Variants in GET1 observed in about 807,000 individuals in gnomAD.
GET1 encodes the protein guided entry of tail-anchored proteins factor 1, also known as congenital heart disease 5 protein.
Under a neutral mutation model 22.6 loss-of-function variants are expected in GET1, and 20 were observed. The observed-to-expected ratio is 0.89, with a 90% confidence interval of 0.62 to 1.29. GET1 has a LOEUF of 1.29. Ranked by LOEUF, GET1 falls within the 50% of genes most tolerant of loss-of-function variation. GET1 has a pLI of 0.00. For synonymous variants in GET1, 92 were observed against 83.8 expected (o/e 1.10, Z -0.53); for missense variants, 209 against 219.9 (o/e 0.95, Z 0.31).
At chr21:39,407,504 T>C (rs1185117323), downstream of GET1, among the ~76,000 whole-genome samples, 3 of 152,196 alleles carry the variant, frequency 2.0e-5, no homozygotes, top group African/African-American at 7.2e-5. Context: ...TGCAACGATG[T>C]TCACTGTGGC....
At chr21:39,401,096 G>T (rs1473255275), downstream of GET1, among the ~76,000 whole-genome samples, 1 of 151,866 alleles carries the variant, frequency 6.6e-6, no homozygotes. Context: ...TTTTATTTTT[G>T]TAGAGAGGAG....
intron 2 of GET1, 138 bp downstream of exon 2, chr21:39,391,001 C>G (rs1457364244): frequency 5.3e-6 from 5 of 944,466 alleles, no homozygotes; most frequent in Non-Finnish European, 6.2e-6. Flanking sequence ...CTGGAGGAAA[C>G]TCAGTAATAA....
intron 1 of GET1, among the ~76,000 whole-genome samples, chr21:39,419,531 A>AAAG (rs1461877713): frequency 4.3e-5 from 6 of 138,674 alleles, no homozygotes; most frequent in Non-Finnish European, 7.4e-5. Flanking sequence ...TTCAAAAAAA[A>AAAG]AAAAGAAAAA....
chr21:39,417,199 AT>A (rs1181865017), intron 1 of GET1, among the ~76,000 whole-genome samples: 1 of 151,810 alleles, frequency 6.6e-6, no homozygotes, highest in Non-Finnish European at 1.5e-5. Context: ...CACCTGGCTA[AT>A]TTTTTTATTT....
chr21:39,402,605 GC>G (rs1191628473), downstream of GET1, among the ~76,000 whole-genome samples: 1 of 152,210 alleles, frequency 6.6e-6, no homozygotes. Context: ...CTCCTTGGGT[GC>G]CTAATTTCTT....
At chr21:39,409,030 G>A (rs1332255807), downstream of GET1, among the ~76,000 whole-genome samples, 2 of 152,166 alleles carry the variant, frequency 1.3e-5, no homozygotes, top group Non-Finnish European at 2.9e-5. The surrounding 1 kb of genome is among the most constrained non-coding windows in gnomAD (Gnocchi z 4.2). Flanking sequence ...TGTTGAAGCC[G>A]TAACCCCCAG....
intron 4 of GET1, chr21:39,405,899 T>G (rs779475051): frequency 1.9e-6 from 3 of 1,583,000 alleles, no homozygotes; most frequent in Admixed American, 1.8e-5. Flanking sequence ...ATTATTTTTC[T>G]TTTTCCTTCT....
intron 1 of GET1, among the ~76,000 whole-genome samples, chr21:39,426,393 C>G (rs1232378669): frequency 6.6e-6 from 1 of 152,144 alleles, no homozygotes; most frequent in African/African-American, 2.4e-5. Context: ...GCCAACTGCC[C>G]TCTTGCATGA....
intron 1 of GET1, among the ~76,000 whole-genome samples, chr21:39,381,278 C>T (rs571365283): frequency 3.1e-4 from 47 of 152,184 alleles, no homozygotes; most frequent in Admixed American, 2.4e-3. Flanking sequence ...CGAGAATGAG[C>T]GCCCTCCGTA....
chr21:39,402,032 A>G (rs930028807), downstream of GET1, among the ~76,000 whole-genome samples: 3 of 152,186 alleles, frequency 2.0e-5, no homozygotes, highest in African/African-American at 7.2e-5. Context: ...TTCAATAATA[A>G]TGATGACCTC....
intron 3 of GET1, among the ~76,000 whole-genome samples, chr21:39,392,405 T>C (rs566579348): frequency 6.6e-6 from 1 of 152,242 alleles, no homozygotes; most frequent in African/African-American, 2.4e-5. Context: ...TGCAGTACCA[T>C]GTGATCCGGT....
chr21:39,410,737 T>C (rs2039949483), downstream of GET1: 1 of 440,334 alleles, frequency 2.3e-6, no homozygotes, highest in South Asian at 1.7e-5. Flanking sequence ...AGACTGTCCA[T>C]GCTGAAGCGC....
chr21:39,391,629 A>G (rs968562456), intron 2 of GET1, 140 bp from the exon 3 acceptor site: 3 of 831,888 alleles, frequency 3.6e-6, no homozygotes, highest in Non-Finnish European at 5.6e-6. Context: ...ATTCTATTTT[A>G]TATTTTCTAA....
chr21:39,407,250 A>G (rs2039230487), downstream of GET1, among the ~76,000 whole-genome samples: 1 of 152,174 alleles, frequency 6.6e-6, no homozygotes, highest in African/African-American at 2.4e-5. Flanking sequence ...AAAACAGAAC[A>G]GAAGAACAGA....
At chr21:39,395,391 G>A (rs531761929) in intron 4 of GET1, among the ~76,000 whole-genome samples, 1 of 150,392 alleles carries the variant, frequency 6.6e-6, no homozygotes, top group East Asian at 1.9e-4. Flanking sequence ...TTAAGACCGA[G>A]TCTCACTCTG....
intron 1 of GET1, chr21:39,423,553 A>G (rs2074097563): frequency 9.6e-6 from 13 of 1,360,056 alleles, no homozygotes; most frequent in Non-Finnish European, 1.1e-5. Context: ...ATATGCACAT[A>G]TGCATAATCT....
At chr21:39,392,914 G>A (rs1601628030) in intron 3 of GET1, 1 of 414,326 alleles carries the variant, frequency 2.4e-6, no homozygotes. Context: ...AGGAAGGCTC[G>A]CCTACTTGTT....
chr21:39,389,947 A>G (rs1253827125), intron 1 of GET1, among the ~76,000 whole-genome samples: 1 of 151,666 alleles, frequency 6.6e-6, no homozygotes, highest in Non-Finnish European at 1.5e-5. Context: ...TTGCAATTTT[A>G]TTTATAGTGA....
chr21:39,389,209 C>G (rs569492096), intron 1 of GET1, among the ~76,000 whole-genome samples: 3 of 152,074 alleles, frequency 2.0e-5, no homozygotes, highest in Admixed American at 2.0e-4. Flanking sequence ...TGGGCTCAAG[C>G]GATTCACCTG....
Sources: gnomAD v4.1 joint callset for allele counts (sites outside exome capture counted in the v4.1 genomes callset) on GRCh38, gnomAD v4.1.1 for gene constraint, Gnocchi (gnomAD v3.1) non-coding constraint, MANE v1.5 for transcripts, NCBI Gene and HGNC (gene_info 2026-07-23, HGNC 2026-07-21) for gene names.